Variants in CMKLR2 observed in about 807,000 individuals in gnomAD.
The protein encoded by CMKLR2 is chemerin-like receptor 2.
A neutral mutation model predicts 23.0 loss-of-function variants in CMKLR2; 18 were observed. That is an observed-to-expected ratio of 0.78 (90% confidence interval 0.54 to 1.16). The LOEUF is 1.16. Among genes scored for constraint, CMKLR2 ranks in the 50% most tolerant of loss-of-function variants. The pLI is 0.00. For missense variants in CMKLR2, 401 were observed against 412.7 expected, an observed-to-expected ratio of 0.97 and a Z score of 0.25; for synonymous variants, 158 against 158.9, an observed-to-expected ratio of 0.99 and a Z score of 0.05.
chr2:206,175,337 C>T lies in CMKLR2; in HGVS notation c.*843G>A, dbSNP rs1688171736. On this transcript the variant is annotated 3_prime_UTR_variant, in exon 2 of 2. Coordinates refer to ENST00000621141, the MANE Select transcript of CMKLR2 (RefSeq NM_001389445.1). The stretch of plus-strand genomic sequence containing the variant: ...GATGTTTTAAGATAACCAACAATTA[C>T]TTTAATTCATAAATGTATATACATA... The T allele has an allele frequency of 6.6e-6, 1 of 152,082 alleles. No individual in the cohort carries two copies. The highest frequency in any genetic ancestry group is 2.1e-4 in the South Asian group (1 of 4,820). 9.4% of individuals were successfully genotyped at this position (152,082 alleles called of 1,614,324 possible). A position where few individuals can be genotyped will look rare whatever the true frequency, so the allele number is the denominator to read the frequency against.
Position 206,177,285 on chromosome 2 carries a change from C to A in CMKLR2, c.-28-10G>T. 2.4e-5 allele frequency: 31 copies of A among 1,274,840 alleles called. No individual in the cohort carries two copies. Among genetic ancestry groups the A allele is most frequent in the Middle Eastern group, 2.5e-4 (1 of 3,932 alleles). 79.0% of individuals were successfully genotyped at this position (1,274,840 alleles called of 1,614,324 possible). A position where few individuals can be genotyped will look rare whatever the true frequency, so the allele number is the denominator to read the frequency against. The stretch of plus-strand genomic sequence containing the variant: ...TGGAGAATGAAGAAATCTGTAGAAG[C>A]AAATTTAAAAAGAAAGAAAAAATTT... On this transcript the variant is annotated splice_polypyrimidine_tract_variant and intron_variant, in intron 1 of 1. Coordinates refer to ENST00000621141, the MANE Select transcript of CMKLR2 (RefSeq NM_001389445.1).
rs925678754 is a variant in CMKLR2 at position 206,197,040 on chromosome 2, G to C, written c.-29+16267C>G. Among the ~76,000 whole-genome samples, 9 of 152,152 alleles carry C rather than the reference G, an allele frequency of 5.9e-5. No individual in the cohort carries two copies. In the South Asian group the frequency reaches 6.2e-4, roughly 10 times the overall value. On this transcript the variant is annotated intron_variant, in intron 1 of 1. Transcript: ENST00000621141. ...TTCTACTGCCTCAGCCTTCCGAGTA[G>C]CTGGGACTACAGGTGCGCACCACCA...
chr2:206,209,007 A>G (rs1244281572), intron 1 of CMKLR2, among the ~76,000 whole-genome samples: 1 of 152,076 alleles, frequency 6.6e-6, no homozygotes, highest in Non-Finnish European at 1.5e-5. Context: ...TTTTTATGTC[A>G]AAGCATAAGA....
At chr2:206,208,872 C>T (rs1315952837) in intron 1 of CMKLR2, among the ~76,000 whole-genome samples, 6 of 151,962 alleles carry the variant, frequency 3.9e-5, no homozygotes, top group African/African-American at 7.3e-5. Flanking sequence ...GGACTCACTA[C>T]GGTGCCCAGG....
chr2:206,187,000 C>T (rs1165937187), intron 1 of CMKLR2, among the ~76,000 whole-genome samples: 1 of 151,960 alleles, frequency 6.6e-6, no homozygotes, highest in Non-Finnish European at 1.5e-5. Context: ...CCACCCTGGG[C>T]AACACAGTGA....
chr2:206,177,382 C>T lies in CMKLR2; in HGVS notation c.-28-107G>A, dbSNP rs143488619. The T allele has an allele frequency of 1.3e-4, 80 of 615,476 alleles. No individual in the cohort carries two copies. In the East Asian group the frequency reaches 2.3e-3, roughly 17 times the overall value. The allele number at this position is 615,476 out of a possible 1,614,324, so 38.1% of individuals were successfully genotyped here. A position where few individuals can be genotyped will look rare whatever the true frequency, so the allele number is the denominator to read the frequency against. ...AAAATATTTCAGGTTATGGACCAGA[C>T]ATAGTATTATTTTTTCTTTTTTTTG... On this transcript the variant is annotated intron_variant, in intron 1 of 1. Coordinates refer to ENST00000621141, the MANE Select transcript of CMKLR2 (RefSeq NM_001389445.1).
intron 1 of CMKLR2, among the ~76,000 whole-genome samples, chr2:206,210,319 GA>G (rs1689511265): frequency 6.6e-6 from 1 of 152,116 alleles, no homozygotes; most frequent in African/African-American, 2.4e-5. Flanking sequence ...CCCTGCAAAG[GA>G]CATGATCTAA....
At chr2:206,178,639 TTTTTG>T (rs1187035951) in intron 1 of CMKLR2, among the ~76,000 whole-genome samples, 1 of 151,802 alleles carries the variant, frequency 6.6e-6, no homozygotes, top group Non-Finnish European at 1.5e-5. Flanking sequence ...CAGCCTTCTA[TTTTTG>T]TTTTGTTTGT....
Position 206,192,271 on chromosome 2 carries a change from G to A in CMKLR2, c.-28-14996C>T, listed in dbSNP as rs116355873. On this transcript the variant is annotated intron_variant, in intron 1 of 1. Transcript: ENST00000621141. ...CTAGGATTGCAAAAATGAGCTACCGGGACTGGCGTTCTCTTTAAAAAAAAA... is the reference window on the plus strand; with the variant it reads ...CTAGGATTGCAAAAATGAGCTACCGAGACTGGCGTTCTCTTTAAAAAAAAA... Among the ~76,000 whole-genome samples, 855 of 149,340 alleles carry A rather than the reference G, an allele frequency of 5.7e-3. 7 individuals carry two copies. The highest frequency in any genetic ancestry group is 0.019 in the African/African-American group (783 of 40,620).
At chr2:206,204,059 T>A (rs907096610) in intron 1 of CMKLR2, 3 of 152,186 alleles carry the variant, frequency 2.0e-5, no homozygotes, top group Non-Finnish European at 4.4e-5. Context: ...GCTCAATAAA[T>A]GTGCAATATC....
intron 1 of CMKLR2, among the ~76,000 whole-genome samples, chr2:206,185,989 T>C (rs941328044): frequency 3.3e-5 from 5 of 152,146 alleles, no homozygotes; most frequent in African/African-American, 1.2e-4. Context: ...GACCCCTGGG[T>C]GACCTCGTGG....
intron 1 of CMKLR2, among the ~76,000 whole-genome samples, chr2:206,205,452 T>C (rs1689275869): frequency 6.6e-6 from 1 of 152,000 alleles, no homozygotes; most frequent in Non-Finnish European, 1.5e-5. Flanking sequence ...AGCCTCGAAC[T>C]CCTGGGTTCA....
At chr2:206,196,657 G>A (rs565836264) in intron 1 of CMKLR2, among the ~76,000 whole-genome samples, 1 of 152,310 alleles carries the variant, frequency 6.6e-6, no homozygotes, top group South Asian at 2.1e-4. Flanking sequence ...CAGGCCCAGT[G>A]GAGCAGCCAG....
upstream of CMKLR2, among the ~76,000 whole-genome samples, chr2:206,215,195 G>A (rs1325191522): frequency 6.6e-6 from 1 of 152,082 alleles, no homozygotes; most frequent in Non-Finnish European, 1.5e-5. Flanking sequence ...TTCAATCTTG[G>A]CATATTTTTC....
intron 1 of CMKLR2, among the ~76,000 whole-genome samples, chr2:206,197,197 T>G (rs1390758928): frequency 1.3e-5 from 2 of 151,820 alleles, no homozygotes. Flanking sequence ...CGTGAGCCAC[T>G]GCGCCCGGCC....
intron 1 of CMKLR2, 53 bp downstream of exon 1, chr2:206,213,254 C>T (rs1432805642): frequency 6.6e-6 from 1 of 152,202 alleles, no homozygotes; most frequent in South Asian, 2.1e-4. Context: ...GAATCCTCAT[C>T]AGGTCCACTG....
intron 1 of CMKLR2, among the ~76,000 whole-genome samples, chr2:206,187,768 T>C (rs1688626844): frequency 6.6e-6 from 1 of 152,046 alleles, no homozygotes. Flanking sequence ...TATATACAAG[T>C]AGTTTTTGAG....
chr2:206,198,570 T>C (rs564048180), intron 1 of CMKLR2, among the ~76,000 whole-genome samples: 1 of 152,130 alleles, frequency 6.6e-6, no homozygotes, highest in East Asian at 1.9e-4. Context: ...ATTCAAACAA[T>C]GTCTTCCAGT....
intron 1 of CMKLR2, among the ~76,000 whole-genome samples, chr2:206,201,470 A>G (rs1689093533): frequency 6.6e-6 from 1 of 152,134 alleles, no homozygotes; most frequent in South Asian, 2.1e-4. Flanking sequence ...AATGTAGTGT[A>G]CCCCAGCGGG....
Sources: gnomAD v4.1 joint callset for allele counts (sites outside exome capture counted in the v4.1 genomes callset) on GRCh38, gnomAD v4.1.1 for gene constraint, MANE v1.5 for transcripts, NCBI Gene and HGNC (gene_info 2026-07-23, HGNC 2026-07-21) for gene names.